The following ABCA7 variants were observed in gnomAD, a reference collection of about 807,000 sequenced individuals.
ABCA7 encodes the protein ATP binding cassette subfamily A member 7.
ABCA7 carries 261 observed loss-of-function variants against 227.6 expected under a neutral mutation model. That is an observed-to-expected ratio of 1.15 (90% CI 1.04 to 1.27). The LOEUF (loss-of-function observed/expected upper bound fraction) is 1.27. Ranked by LOEUF, ABCA7 falls within the 50% of genes most tolerant of loss-of-function variation. ABCA7 has a pLI of 0.00. For missense variants in ABCA7, 3,331 were observed against 2,924.5 expected, an observed-to-expected ratio of 1.14 and a Z score of -3.21; for synonymous variants, 1,488 against 1,279.7, an observed-to-expected ratio of 1.16 and a Z score of -3.47.
chr19:1,054,498 G>A lies in ABCA7; in HGVS notation c.3727-72G>A, dbSNP rs2042067369. 2 of 1,579,954 alleles carry A rather than the reference G, an allele frequency of 1.3e-6. No individual in the cohort carries two copies. The highest frequency in any genetic ancestry group is 1.7e-6 in the Non-Finnish European group (2 of 1,161,712). On this transcript the variant is annotated intron_variant, in intron 27 of 46. Coordinates refer to ENST00000263094, the MANE Select transcript of ABCA7 (RefSeq NM_019112.4). The surrounding 1 kb of genome is among the most constrained non-coding windows in gnomAD (Gnocchi z 4.8). ...CTGGGGAGCCATGGGTGGTTGTAGA[G>A]CAGGAGCAGGGACAGGTGCAAGCAA...
At chr19:1,044,848 T>C (rs2040452834) in intron 11 of ABCA7, 104 bp downstream of exon 11, 1 of 1,470,488 alleles carries the variant, frequency 6.8e-7, no homozygotes, top group Non-Finnish European at 9.0e-7. Flanking sequence ...CCGGCCCTAG[T>C]AAGAGCCTGG....
rs200619818 is a variant in ABCA7 at position 1,053,377 on chromosome 19, G to A, written c.3269G>A (p.Arg1090Gln). ...GTACAGCACTGGGTGCCCGGGGCAC[G>A]GCTGGTGGAGGAGCTGCCACACGAG... ...ALVQHWVPGA[R>Q]LVEELPHELV... The change falls in exon 24 of 47, where the codon CGG becomes CAG. Residue 1090 changes from arginine to glutamine, a missense_variant. Arg to Gln is a conservative substitution (Grantham distance 43). Coordinates refer to ENST00000263094, the MANE Select transcript of ABCA7 (RefSeq NM_019112.4). The A allele has an allele frequency of 5.1e-5, 82 of 1,608,360 alleles. No homozygotes were observed. The highest frequency in any genetic ancestry group is 2.8e-4 in the Admixed American group (17 of 59,874).
At chr19:1,045,995 A>C (rs1050390097) in intron 12 of ABCA7, among the ~76,000 whole-genome samples, 5 of 152,220 alleles carry the variant, frequency 3.3e-5, no homozygotes, top group Non-Finnish European at 7.3e-5. Flanking sequence ...CGATAGAGCG[A>C]GACTCCGTCT....
At chr19:1,046,732 T>G (rs1386039987) in intron 13 of ABCA7, 70 bp from the exon 14 acceptor site, 3 of 1,443,774 alleles carry the variant, frequency 2.1e-6, no homozygotes, top group Non-Finnish European at 2.8e-6. Context: ...GAACCAGTCG[T>G]GCCAGATGGT....
At position 1,058,937 on chromosome 19, in the gene ABCA7, C is replaced by G; in HGVS notation, c.5397C>G (p.Thr1799=). ...QGDVLVLRNL[T]KVYRGQRMPA... Reference sequence around the variant, plus strand: ...ATGTGTTGGTGCTGAGGAACTTGACCAAGGTAGGTGTGGTCAGGTCGACTG... The same window carrying G: ...ATGTGTTGGTGCTGAGGAACTTGACGAAGGTAGGTGTGGTCAGGTCGACTG... Residue 1799 remains threonine (T), a synonymous_variant, in exon 39 of 47, where the codon ACC becomes ACG. Transcript: ENST00000263094. The G allele has an allele frequency of 6.2e-7, 1 of 1,604,024 alleles. No homozygotes were observed. Among genetic ancestry groups the G allele is most frequent in the African/African-American group, 1.3e-5 (1 of 74,892 alleles).
At chr19:1,046,512 C>G in intron 13 of ABCA7, 106 bp downstream of exon 13, 1 of 1,445,684 alleles carries the variant, frequency 6.9e-7, no homozygotes, top group Non-Finnish European at 9.2e-7. Flanking sequence ...AGGCTGCGAA[C>G]TTTGCACCTT....
At chr19:1,064,083 G>C in intron 44 of ABCA7, 78 bp from the exon 45 acceptor site, 1 of 1,448,928 alleles carries the variant, frequency 6.9e-7, no homozygotes. Flanking sequence ...GGTGGCCCAG[G>C]CCGGGGGAAG....
chr19:1,056,816 A>C lies in ABCA7; in HGVS notation c.4587-91A>C. ...TCTCTGCCACTGCTGACTGCCCCATAGACCTTTGTCCCATCAATGGCGTGT... is the reference window on the plus strand; with the variant it reads ...TCTCTGCCACTGCTGACTGCCCCATCGACCTTTGTCCCATCAATGGCGTGT... On this transcript the variant is annotated intron_variant, in intron 33 of 46. Transcript: ENST00000263094. This position sits in a 1 kb window ranked among gnomAD's most constrained non-coding sequence, Gnocchi z 4.3. 2.7e-5 allele frequency: 38 copies of C among 1,398,372 alleles called. No homozygotes were observed. Among genetic ancestry groups the C allele is most frequent in the Middle Eastern group, 1.8e-4 (1 of 5,422 alleles). The allele number at this position is 1,398,372 out of a possible 1,614,324, so 86.6% of individuals were successfully genotyped here. A position where few individuals can be genotyped will look rare whatever the true frequency, so the allele number is the denominator to read the frequency against.
intron 40 of ABCA7, among the ~76,000 whole-genome samples, 158 bp from the exon 41 acceptor site, chr19:1,061,624 G>A (rs1256291888): frequency 2.0e-5 from 3 of 151,314 alleles, no homozygotes; most frequent in Non-Finnish European, 3.0e-5. Flanking sequence ...GCTTGAACCC[G>A]GGAGGCAGAG....
Position 1,041,868 on chromosome 19 carries a change from C to G in ABCA7, c.198C>G (p.Thr66=), listed in dbSNP as rs756548806. Residue 66 remains threonine, a synonymous_variant, in exon 4 of 47, where the codon ACC becomes ACG. Coordinates refer to ENST00000263094, the MANE Select transcript of ABCA7 (RefSeq NM_019112.4). ...ACAAGCCACTGCCATCGGCGGGCAC[C>G]GTGCCCTGGCTCCAGGGTCTCATCT... ...FPNKPLPSAG[T]VPWLQGLICN... 6.3e-7 allele frequency: 1 copy of G among 1,597,432 alleles called. No homozygotes were observed.
intron 45 of ABCA7, 195 bp from the exon 46 acceptor site, chr19:1,064,736 C>A: frequency 2.2e-6 from 2 of 907,488 alleles, no homozygotes; most frequent in Non-Finnish European, 3.1e-6. Flanking sequence ...TAAAAATTAG[C>A]TGGACATGGT....
Position 1,056,805 on chromosome 19 carries a change from G to A in ABCA7, c.4587-102G>A. ...TGCCCCTGCCATCTCTGCCACTGCTGACTGCCCCATAGACCTTTGTCCCAT... is the reference window on the plus strand; with the variant it reads ...TGCCCCTGCCATCTCTGCCACTGCTAACTGCCCCATAGACCTTTGTCCCAT... On this transcript the variant is annotated intron_variant, in intron 33 of 46. Coordinates refer to ENST00000263094, the MANE Select transcript of ABCA7 (RefSeq NM_019112.4). This position sits in a 1 kb window ranked among gnomAD's most constrained non-coding sequence, Gnocchi z 4.3. 1.5e-6 allele frequency: 2 copies of A among 1,331,434 alleles called. No homozygotes were observed. The highest frequency in any genetic ancestry group is 2.1e-6 in the Non-Finnish European group (2 of 957,164). The allele number at this position is 1,331,434 out of a possible 1,614,324, so 82.5% of individuals were successfully genotyped here. A position where few individuals can be genotyped will look rare whatever the true frequency, so the allele number is the denominator to read the frequency against.
chr19:1,065,265 G>C lies in ABCA7; in HGVS notation c.6286-5G>C, dbSNP rs777243085. The C allele has an allele frequency of 1.9e-6, 3 of 1,613,026 alleles. No homozygotes were observed. Among genetic ancestry groups the C allele is most frequent in the Non-Finnish European group, 2.5e-6 (3 of 1,179,898 alleles). On this transcript the variant is annotated splice_polypyrimidine_tract_variant and splice_region_variant and intron_variant, in intron 46 of 46. Coordinates refer to ENST00000263094, the MANE Select transcript of ABCA7 (RefSeq NM_019112.4). ...TCTTGTCCCCTCTGGGCTGCCCACC[G>C]CTAGGTATTCTTGTACTTCTCCAAG...
intron 16 of ABCA7, among the ~76,000 whole-genome samples, chr19:1,047,976 C>T (rs2040884796): frequency 2.0e-5 from 3 of 149,900 alleles, no homozygotes; most frequent in African/African-American, 7.4e-5. Flanking sequence ...ATCGCTTGAG[C>T]CCAGGAGTTT....
At position 1,052,209 on chromosome 19, in the gene ABCA7, C is replaced by A; in HGVS notation, c.3148-5C>A. ...CCAAGCCACTTGGTGCCTCTCTGCC[C>A]GCAGGCTGACACTGACATGGAGGGC... On this transcript the variant is annotated splice_region_variant and splice_polypyrimidine_tract_variant and intron_variant, in intron 22 of 46. Transcript: ENST00000263094. 6.3e-7 allele frequency: 1 copy of A among 1,589,360 alleles called. No homozygotes were observed.
rs779308070 is a variant in ABCA7, at chr19:1,065,120, C to A, written c.6234C>A (p.Gly2078=). The A allele has an allele frequency of 1.3e-6, 2 of 1,589,700 alleles. No homozygotes were observed. The highest frequency in any genetic ancestry group is 1.7e-5 in the Admixed American group (1 of 57,538). ...TCTTTGGAGAGCTGGCGGTGCACGG[C>A]GCAGAGCACGGCGTGGAGGACTTTT... is the stretch of plus-strand genomic sequence containing the variant. ...ARVFGELAVH[G]AEHGVEDFSV... is the part of the protein sequence containing the mutation. The change falls in exon 46 of 47, where the codon GGC becomes GGA. Residue 2078 remains glycine, a synonymous_variant. Coordinates refer to ENST00000263094, the MANE Select transcript of ABCA7 (RefSeq NM_019112.4).
Position 1,043,746 on chromosome 19 carries a change from C to G in ABCA7, c.952C>G (p.Leu318Val). The G allele has an allele frequency of 1.9e-6, 3 of 1,612,996 alleles. No homozygotes were observed. The highest frequency in any genetic ancestry group is 2.5e-6 in the Non-Finnish European group (3 of 1,179,966). ...ACAGGTGAACCGGACCTTCGAGGAGCTCACCCTGCTGAGGGATGTCCGGGA... is the reference window on the plus strand; with the variant it reads ...ACAGGTGAACCGGACCTTCGAGGAGGTCACCCTGCTGAGGGATGTCCGGGA... ...MAQVNRTFEE[L>V]TLLRDVREVW... is the part of the protein sequence containing the mutation. Residue 318 changes from leucine (L) to valine (V), a missense_variant, in exon 10 of 47, where the codon CTC becomes GTC. Transcript: ENST00000263094.
At chr19:1,046,715 G>C in intron 13 of ABCA7, 87 bp from the exon 14 acceptor site, 1 of 1,367,552 alleles carries the variant, frequency 7.3e-7, no homozygotes, top group Non-Finnish European at 9.9e-7. Flanking sequence ...TTGAGATCCC[G>C]GGACACGAAC....
In ABCA7 at chr19:1,054,767, CCCTCACACA is replaced by C. The variant is rs1264757860; in HGVS notation, c.3852-11_3852-3del. On this transcript the variant is annotated splice_region_variant and splice_polypyrimidine_tract_variant and intron_variant, in intron 28 of 46. Coordinates refer to ENST00000263094, the MANE Select transcript of ABCA7 (RefSeq NM_019112.4). This position sits in a 1 kb window ranked among gnomAD's most constrained non-coding sequence, Gnocchi z 4.8. ...GGGTACAGCCCTGACCCTACATCTC[CCCTCACACA>C]CAGTGAGGACGCCCCAGGGGACCCT... 6.2e-7 allele frequency: 1 copy of C among 1,607,504 alleles called. No homozygotes were observed. The highest frequency in any genetic ancestry group is 1.3e-5 in the African/African-American group (1 of 74,932).
Sources: allele counts gnomAD v4.1 joint callset (sites outside exome capture counted in the v4.1 genomes callset), GRCh38; gene constraint gnomAD v4.1.1; non-coding constraint Gnocchi (gnomAD v3.1); transcripts MANE v1.5; gene names NCBI Gene and HGNC (gene_info 2026-07-23, HGNC 2026-07-21).